The following DIPK1A variants were observed in gnomAD, a reference collection of about 807,000 sequenced individuals.
The protein encoded by DIPK1A is family with sequence similarity 69 member A.
In DIPK1A, 27 loss-of-function variants were observed where a neutral mutation model predicts 40.8. The ratio of observed to expected loss-of-function variants is 0.66; its 90% CI spans 0.49 to 0.91. The LOEUF is 0.91. Ranked by LOEUF, DIPK1A falls within the 40% of genes least tolerant of loss-of-function variation. The pLI, the probability that DIPK1A is intolerant of heterozygous loss-of-function variation, is 0.00. For missense variants in DIPK1A, 412 were observed against 505.7 expected (o/e 0.81, Z 1.78); for synonymous variants, 166 against 171.3 (o/e 0.97, Z 0.24).
chr1:92,841,959 T>C (rs188851753), downstream of DIPK1A: 7 of 1,058,378 alleles, frequency 6.6e-6, no homozygotes, highest in East Asian at 2.7e-5. Context: ...ATGAACCTTA[T>C]AGGAAATACC....
chr1:92,931,512 G>C (rs1164262532), intron 1 of DIPK1A: 1 of 155,552 alleles, frequency 6.4e-6, no homozygotes, highest in Non-Finnish European at 1.4e-5. Context: ...AGGACTGCTT[G>C]AGGCCAGGAG....
intron 4 of DIPK1A, among the ~76,000 whole-genome samples, chr1:92,845,768 A>AG (rs1461847783): frequency 1.3e-5 from 2 of 151,702 alleles, no homozygotes; most frequent in South Asian, 2.1e-4. Flanking sequence ...TCTGGGAGGC[A>AG]AGGTTGCAGT....
intron 4 of DIPK1A, chr1:92,836,108 C>T: frequency 2.3e-6 from 3 of 1,315,744 alleles, no homozygotes; most frequent in Non-Finnish European, 2.2e-6. Context: ...GTCAGTGGTC[C>T]TTACGGTTAT....
At chr1:92,912,003 CAAAAAAAAAAAA>C (rs5776162) in intron 1 of DIPK1A, among the ~76,000 whole-genome samples, 11 of 43,672 alleles carry the variant, frequency 2.5e-4, no homozygotes, top group Non-Finnish European at 2.9e-4. Context: ...GACTCCATCT[CAAAAAAAAAAAA>C]AAAAAAAAAA....
At chr1:92,907,613 A>G (rs1469094869) in intron 1 of DIPK1A, among the ~76,000 whole-genome samples, 1 of 151,576 alleles carries the variant, frequency 6.6e-6, no homozygotes, top group Non-Finnish European at 1.5e-5. Flanking sequence ...CTTACTTTTT[A>G]TTTTTTTGTA....
At chr1:92,913,088 A>G (rs1386262321) in intron 1 of DIPK1A, among the ~76,000 whole-genome samples, 2 of 151,824 alleles carry the variant, frequency 1.3e-5, no homozygotes, top group East Asian at 3.8e-4. Context: ...AAAAAGAAAA[A>G]GAGAGAAAAA....
At chr1:92,848,844 A>G (rs1687716776) in intron 3 of DIPK1A, among the ~76,000 whole-genome samples, 1 of 152,210 alleles carries the variant, frequency 6.6e-6, no homozygotes, top group Admixed American at 6.5e-5. Flanking sequence ...CAACTGAAAA[A>G]TTAGTTTAAA....
chr1:92,855,964 C>T (rs995784461), intron 2 of DIPK1A, among the ~76,000 whole-genome samples: 5 of 152,060 alleles, frequency 3.3e-5, no homozygotes, highest in Non-Finnish European at 7.4e-5. Context: ...TGTGTCCTAG[C>T]TACTCGGAAG....
chr1:92,925,730 G>C (rs903735182), intron 1 of DIPK1A, among the ~76,000 whole-genome samples: 1 of 151,980 alleles, frequency 6.6e-6, no homozygotes, highest in Admixed American at 6.6e-5. Context: ...TTCGGACCTT[G>C]TGATCCACCC....
At chr1:92,943,611 G>A (rs1333912944) in intron 1 of DIPK1A, among the ~76,000 whole-genome samples, 1 of 151,796 alleles carries the variant, frequency 6.6e-6, no homozygotes, top group Non-Finnish European at 1.5e-5. Flanking sequence ...AGAAAGCCAA[G>A]GCTTCTAGTG....
intron 1 of DIPK1A, among the ~76,000 whole-genome samples, chr1:92,938,469 A>T (rs1258834078): frequency 1.6e-4 from 9 of 55,718 alleles, no homozygotes; most frequent in African/African-American, 4.2e-4. Flanking sequence ...GACCTTTACT[A>T]AAAAAAAAAA....
intron 1 of DIPK1A, among the ~76,000 whole-genome samples, chr1:92,892,759 A>G (rs1033940413): frequency 7.9e-5 from 12 of 152,028 alleles, no homozygotes; most frequent in African/African-American, 2.9e-4. Flanking sequence ...TTAAAAAAAG[A>G]TTAGATGAAT....
chr1:92,927,348 C>G lies in DIPK1A; in HGVS notation c.54+34028G>C, dbSNP rs186069002. ...TAGCTGGGACTACAGGTGCATGCCA[C>G]CATGCCAATTTTGTTGTTTTTTTTT... On this transcript the variant is annotated intron_variant, in intron 1 of 4. Coordinates refer to ENST00000370310, the MANE Select transcript of DIPK1A (RefSeq NM_001006605.5). Among the ~76,000 whole-genome samples the G allele has an allele frequency of 5.8e-3, 854 of 146,650 alleles. 8 individuals are homozygous for G. The highest frequency in any genetic ancestry group is 0.019 in the African/African-American group (764 of 39,620).
intron 1 of DIPK1A, among the ~76,000 whole-genome samples, chr1:92,937,480 A>AT (rs962091670): frequency 5.3e-5 from 8 of 152,158 alleles, no homozygotes; most frequent in African/African-American, 1.9e-4. Flanking sequence ...CACATGCTTT[A>AT]TTTTTTACAG....
At chr1:92,839,748 A>G (rs778110904), downstream of DIPK1A, among the ~76,000 whole-genome samples, 33 of 152,338 alleles carry the variant, frequency 2.2e-4, no homozygotes, top group South Asian at 8.3e-4. Flanking sequence ...TGAGAAGCGC[A>G]ATATTTGTTT....
At chr1:92,877,252 T>C in intron 1 of DIPK1A, 4 of 444,810 alleles carry the variant, frequency 9.0e-6, no homozygotes, top group Non-Finnish European at 1.2e-5. Context: ...AAAGTGACAC[T>C]TGATCAAGAC....
intron 1 of DIPK1A, among the ~76,000 whole-genome samples, chr1:92,912,801 A>G (rs528780215): frequency 2.0e-5 from 3 of 152,300 alleles, no homozygotes; most frequent in Middle Eastern, 3.4e-3. Context: ...TCATGTATCT[A>G]TATATATAAG....
chr1:92,886,752 A>G (rs1025517444), intron 1 of DIPK1A, among the ~76,000 whole-genome samples: 30 of 152,078 alleles, frequency 2.0e-4, no homozygotes, highest in African/African-American at 6.0e-4. Flanking sequence ...TAAAAACTCT[A>G]TGAGCTGATG....
chr1:92,834,907 C>T (rs758618624), intron 4 of DIPK1A: 2 of 1,601,164 alleles, frequency 1.2e-6, no homozygotes, highest in Admixed American at 1.7e-5. Context: ...TGCTGCTGGC[C>T]CGCAGGGTAT....
Sources: gnomAD v4.1 joint callset for allele counts (sites outside exome capture counted in the v4.1 genomes callset) on GRCh38, gnomAD v4.1.1 for gene constraint, MANE v1.5 for transcripts, NCBI Gene and HGNC (gene_info 2026-07-23, HGNC 2026-07-21) for gene names.